ARHGAP39: variants seen among roughly 807,000 people sequenced by gnomAD.
ARHGAP39 encodes rho GTPase-activating protein 39.
A neutral mutation model predicts 106.9 loss-of-function variants in ARHGAP39; 44 were observed. That is an observed-to-expected ratio of 0.41 (90% CI 0.32 to 0.53). ARHGAP39 has a LOEUF of 0.53. Among genes scored for constraint, ARHGAP39 ranks in the 20% least tolerant of loss-of-function variants. The pLI, the probability that ARHGAP39 is intolerant of heterozygous loss-of-function variation, is 0.21. For synonymous variants in ARHGAP39, 768 were observed against 693.2 expected (o/e 1.11, Z -1.69); for missense variants, 1,496 against 1,577.3 (o/e 0.95, Z 0.87).
intron 2 of ARHGAP39, among the ~76,000 whole-genome samples, chr8:144,600,029 G>A (rs935551175): frequency 1.3e-5 from 2 of 152,230 alleles, no homozygotes; most frequent in African/African-American, 4.8e-5. Flanking sequence ...TCTAGGAGGC[G>A]TTTGTGCGCG....
At chr8:144,649,884 C>T (rs1292367155) in intron 1 of ARHGAP39, among the ~76,000 whole-genome samples, 4 of 151,602 alleles carry the variant, frequency 2.6e-5, no homozygotes, top group Non-Finnish European at 5.9e-5. Flanking sequence ...CTTGGACATG[C>T]CTGTAATCCC....
At chr8:144,544,088 C>T in intron 6 of ARHGAP39, 1 of 152,580 alleles carries the variant, frequency 6.6e-6, no homozygotes, top group Non-Finnish European at 1.5e-5. Flanking sequence ...GCCCAGTCTG[C>T]CTGGCACCCT....
At chr8:144,571,611 T>G (rs996859702) in intron 3 of ARHGAP39, among the ~76,000 whole-genome samples, 13 of 152,170 alleles carry the variant, frequency 8.5e-5, no homozygotes, top group Non-Finnish European at 1.5e-4. Flanking sequence ...ACCACTCCTA[T>G]TCAACATAGT....
the ARHGAP39 span, among the ~76,000 whole-genome samples, chr8:144,692,510 C>T: frequency 6.6e-6 from 1 of 152,198 alleles, no homozygotes; most frequent in Non-Finnish European, 1.5e-5. Flanking sequence ...ATAAATCCTC[C>T]TCAAAGACAT....
At chr8:144,554,620 T>C (rs982639008) in intron 4 of ARHGAP39, among the ~76,000 whole-genome samples, 2 of 152,112 alleles carry the variant, frequency 1.3e-5, no homozygotes, top group Non-Finnish European at 2.9e-5. Flanking sequence ...TCTGCCACAG[T>C]GGGGGTGGCC....
In ARHGAP39 at chr8:144,548,364, C is replaced by G. The variant is rs745981568; in HGVS notation, c.722G>C (p.Arg241Pro). The G allele has an allele frequency of 6.2e-7, 1 of 1,607,716 alleles. No individual in the cohort carries two copies. The highest frequency in any genetic ancestry group is 1.1e-5 in the South Asian group (1 of 90,542). ...GYAPDGPPGV[R>P]SRRPSGSQHS... is the part of the protein sequence containing the mutation. ...CTGGCTGCCGGAGGGTCTGCGGGAG[C>G]GGACCCCAGGTGGGCCGTCTGGGGC... The change falls in exon 5 of 12, where the codon CGC becomes CCC. Residue 241 changes from arginine (R) to proline (P), a missense_variant. Arg to Pro is a moderately radical substitution (Grantham distance 103, BLOSUM62 -2). Around this residue, in one of 4 missense-constraint regions of ARHGAP39, gnomAD observed 905 missense variants for 816.4 expected, o/e 1.11. Transcript: ENST00000377307. This position sits in a 1 kb window ranked among gnomAD's most constrained non-coding sequence, Gnocchi z 7.4.
chr8:144,650,205 A>T (rs956819878), intron 1 of ARHGAP39, among the ~76,000 whole-genome samples: 5 of 152,200 alleles, frequency 3.3e-5, no homozygotes, highest in Admixed American at 6.5e-5. Context: ...AACCAGGAAG[A>T]AACTGATTCC....
At chr8:144,686,902 C>T (rs539863424), upstream of ARHGAP39, among the ~76,000 whole-genome samples, 15 of 139,602 alleles carry the variant, frequency 1.1e-4, 1 homozygote, top group Admixed American at 5.6e-4. Context: ...CGAGCACTTC[C>T]CACCCCCGTG....
At position 144,545,466 on chromosome 8, in the gene ARHGAP39, C is replaced by T; in HGVS notation, c.2304G>A (p.Leu768=). 6 of 1,597,352 alleles carry T rather than the reference C, an allele frequency of 3.8e-6. No homozygotes were observed. The highest frequency in any genetic ancestry group is 5.1e-6 in the Non-Finnish European group (6 of 1,168,248). The change falls in exon 6 of 12, where the codon CTG becomes CTA. Residue 768 remains leucine (L), a synonymous_variant. Coordinates refer to ENST00000377307, the MANE Select transcript of ARHGAP39 (RefSeq NM_025251.3). The part of the protein sequence containing the change: ...RAKADPLHVA[L]EVATKGWSVQ... Reference sequence around the variant, plus strand: ...CGCTCCAGCCCTTGGTGGCCACCTCCAGGGCCACGTGCAGTGGGTCGGCCT... The same window carrying T: ...CGCTCCAGCCCTTGGTGGCCACCTCTAGGGCCACGTGCAGTGGGTCGGCCT...
intron 4 of ARHGAP39, among the ~76,000 whole-genome samples, chr8:144,554,452 G>A (rs536469981): frequency 1.3e-5 from 2 of 152,346 alleles, no homozygotes; most frequent in South Asian, 2.1e-4. Context: ...TGATCCTGGG[G>A]GAGAATGGCA....
At chr8:144,576,662 C>T (rs1336744622) in intron 3 of ARHGAP39, among the ~76,000 whole-genome samples, 1 of 152,208 alleles carries the variant, frequency 6.6e-6, no homozygotes, top group South Asian at 2.1e-4. Context: ...TTATGATAAT[C>T]CAATACCAAT....
At chr8:144,631,543 A>C (rs1821062731) in intron 1 of ARHGAP39, among the ~76,000 whole-genome samples, 1 of 152,204 alleles carries the variant, frequency 6.6e-6, no homozygotes, top group Non-Finnish European at 1.5e-5. Flanking sequence ...TTCTCTGTGA[A>C]GAGTCTCTAT....
intron 2 of ARHGAP39, among the ~76,000 whole-genome samples, chr8:144,588,546 G>A (rs773881861): frequency 4.6e-5 from 7 of 152,238 alleles, no homozygotes; most frequent in Admixed American, 2.0e-4. Context: ...CGCGGAGAGC[G>A]GCAGACTGGG....
At chr8:144,611,727 A>T (rs1189554500) in intron 1 of ARHGAP39, among the ~76,000 whole-genome samples, 1 of 152,170 alleles carries the variant, frequency 6.6e-6, no homozygotes, top group Non-Finnish European at 1.5e-5. Context: ...TTAAATTTAA[A>T]GAGGGTGGCA....
intron 3 of ARHGAP39, among the ~76,000 whole-genome samples, chr8:144,562,271 AGTGGTTTCCAT>A (rs1818211315): frequency 6.7e-6 from 1 of 148,386 alleles, no homozygotes; most frequent in Non-Finnish European, 1.5e-5. Context: ...ATCGTGCTCC[AGTGGTTTCCAT>A]CGTGCTCCAG....
chr8:144,532,604 G>A (rs1172873053), intron 9 of ARHGAP39, among the ~76,000 whole-genome samples: 1 of 152,206 alleles, frequency 6.6e-6, no homozygotes, highest in Non-Finnish European at 1.5e-5. Context: ...GCGTCCGAGT[G>A]TGGTGCTTCC....
chr8:144,649,699 C>T lies in ARHGAP39; in HGVS notation c.-82+35987G>A, dbSNP rs191366372. Among the ~76,000 whole-genome samples, 250 of 152,198 alleles carry T rather than the reference C, an allele frequency of 1.6e-3. 2 individuals are homozygous for T. The Middle Eastern group carries it at 0.017, about 10-fold the overall frequency. Reference sequence around the variant, plus strand: ...GTTGCAGTGAGCTGAGATTGCACCACTGCACTCCAACTTGGGTGACAAAAT... The same window carrying T: ...GTTGCAGTGAGCTGAGATTGCACCATTGCACTCCAACTTGGGTGACAAAAT... On this transcript the variant is annotated intron_variant, in intron 1 of 11. Transcript: ENST00000377307.
intron 1 of ARHGAP39, among the ~76,000 whole-genome samples, chr8:144,614,767 G>T (rs1275738613): frequency 1.3e-5 from 2 of 152,218 alleles, no homozygotes; most frequent in African/African-American, 4.8e-5. Context: ...AGGGCTAACT[G>T]TTCTCCACTG....
At chr8:144,542,800 A>G (rs376595063) in intron 6 of ARHGAP39, among the ~76,000 whole-genome samples, 3 of 151,894 alleles carry the variant, frequency 2.0e-5, no homozygotes, top group East Asian at 2.0e-4. Flanking sequence ...CTAGCTGGGT[A>G]TGGTGGCGCG....
Sources: allele counts gnomAD v4.1 joint callset (sites outside exome capture counted in the v4.1 genomes callset), GRCh38; gene constraint gnomAD v4.1.1; regional missense constraint gnomAD v4.1.1; non-coding constraint Gnocchi (gnomAD v3.1); transcripts MANE v1.5; gene names NCBI Gene and HGNC (gene_info 2026-07-23, HGNC 2026-07-21).